Variants in QKI observed in about 807,000 individuals in gnomAD.
QKI encodes the protein KH domain-containing RNA-binding protein QKI.
Under a neutral mutation model 39.0 loss-of-function variants are expected in QKI, and 10 were observed. The ratio of observed to expected loss-of-function variants is 0.26; its 90% CI spans 0.16 to 0.43. The LOEUF (loss-of-function observed/expected upper bound fraction) is 0.43. QKI is among the 20% of genes least tolerant of loss of function. The probability of loss-of-function intolerance (pLI) is 1.00; values close to 1 mark genes in which losing one functional copy is unlikely to be tolerated. For synonymous variants in QKI, 204 were observed against 155.4 expected (o/e 1.31, Z -2.33); for missense variants, 218 against 428.0 (o/e 0.51, Z 4.33).
At chr6:163,563,934 G>C (rs9347766) in intron 6 of QKI, 103,602 of 1,398,144 alleles carry the variant, frequency 0.074, 4,210 homozygotes, top group South Asian at 0.094. Flanking sequence ...TGGTAACTGA[G>C]GTTCAGTTTG....
At chr6:163,445,990 C>G (rs903410110) in intron 1 of QKI, among the ~76,000 whole-genome samples, 1 of 152,152 alleles carries the variant, frequency 6.6e-6, no homozygotes. Context: ...CAGATTTCTC[C>G]ACTGTAGTTT....
rs764860889 is a variant in QKI at position 163,455,262 on chromosome 6, A to AT, written c.143-12dup. 12 of 1,595,512 alleles carry AT rather than the reference A, an allele frequency of 7.5e-6. No individual in the cohort carries two copies. In the African/African-American group the frequency reaches 1.4e-4, roughly 18 times the overall value. On this transcript the variant is annotated splice_polypyrimidine_tract_variant and intron_variant, in intron 1 of 7. Transcript: ENST00000361752. ...ATTTTTTTTGTCTAACACATTTAAAATTTTTACTTTTAACAGAAATTAGCA... is the reference window on the plus strand; with the variant it reads ...ATTTTTTTTGTCTAACACATTTAAAATTTTTTACTTTTAACAGAAATTAGCA...
In QKI at chr6:163,532,972, C is replaced by T. The variant is rs776469776; in HGVS notation, c.403-2010C>T. 3.9e-5 allele frequency among the ~76,000 whole-genome samples: 6 copies of T among 152,044 alleles called. No homozygotes were observed. In the South Asian group the frequency reaches 8.3e-4, roughly 21 times the overall value. On this transcript the variant is annotated intron_variant, in intron 3 of 7. Transcript: ENST00000361752. ...TCCAGTGGCTTGAAACTTGTTGATA[C>T]GTTTTGCCAGTTTTTTGGTTGTTTC...
intron 5 of QKI, 118 bp from the exon 6 acceptor site, chr6:163,563,302 T>G: frequency 1.0e-6 from 1 of 961,484 alleles, no homozygotes; most frequent in Non-Finnish European, 1.5e-6. Context: ...GTACTAATGA[T>G]TTCCTTTTAT....
intron 2 of QKI, among the ~76,000 whole-genome samples, chr6:163,464,455 C>G (rs1292803717): frequency 6.6e-6 from 1 of 151,654 alleles, no homozygotes; most frequent in South Asian, 2.1e-4. Flanking sequence ...AATTGACAGA[C>G]CTTTAGTTGG....
At chr6:163,427,351 A>T (rs1024750337) in intron 1 of QKI, among the ~76,000 whole-genome samples, 2 of 151,586 alleles carry the variant, frequency 1.3e-5, no homozygotes, top group Admixed American at 1.3e-4. Context: ...TACTTTCAAA[A>T]TAACAAAATT....
intron 2 of QKI, among the ~76,000 whole-genome samples, chr6:163,458,891 T>C (rs1266034495): frequency 1.3e-5 from 2 of 152,212 alleles, no homozygotes; most frequent in South Asian, 2.1e-4. Flanking sequence ...CTCTTTGATA[T>C]AGTAAAGACA....
intron 4 of QKI, among the ~76,000 whole-genome samples, chr6:163,553,667 G>C (rs1364607659): frequency 6.6e-6 from 1 of 152,054 alleles, no homozygotes; most frequent in African/African-American, 2.4e-5. Flanking sequence ...TAAAATCACA[G>C]ATTGTATCGT....
intron 1 of QKI, among the ~76,000 whole-genome samples, chr6:163,447,569 T>G (rs898579452): frequency 3.3e-5 from 5 of 152,152 alleles, no homozygotes; most frequent in Admixed American, 6.5e-5. Flanking sequence ...GAGCTAACTT[T>G]TGTAGCTTCC....
chr6:163,470,040 T>C (rs1479756615), intron 2 of QKI, among the ~76,000 whole-genome samples: 7 of 151,914 alleles, frequency 4.6e-5, no homozygotes, highest in Non-Finnish European at 1.0e-4. Flanking sequence ...GGAAAAAAAA[T>C]AACTGAACAC....
chr6:163,457,490 G>A (rs771765371), intron 2 of QKI: 11 of 455,596 alleles, frequency 2.4e-5, no homozygotes, highest in African/African-American at 1.0e-4. Flanking sequence ...TAGTATCTAC[G>A]CTTTCTGGGA....
chr6:163,465,371 C>CT (rs1340094946), intron 2 of QKI, among the ~76,000 whole-genome samples: 1 of 152,014 alleles, frequency 6.6e-6, no homozygotes, highest in Non-Finnish European at 1.5e-5. Context: ...GCTCATGGCT[C>CT]TGATTCCCAG....
intron 1 of QKI, among the ~76,000 whole-genome samples, chr6:163,420,583 G>A (rs532720527): frequency 6.6e-6 from 1 of 152,108 alleles, no homozygotes; most frequent in Admixed American, 6.5e-5. Context: ...CATGATCAAC[G>A]GGACTTCATT....
intron 3 of QKI, among the ~76,000 whole-genome samples, chr6:163,480,676 A>G (rs1472441366): frequency 6.6e-6 from 1 of 152,214 alleles, no homozygotes; most frequent in Non-Finnish European, 1.5e-5. Flanking sequence ...GAATCTTAAA[A>G]AAATGTGCAT....
chr6:163,479,211 C>T (rs1792869579), intron 3 of QKI, among the ~76,000 whole-genome samples: 1 of 151,422 alleles, frequency 6.6e-6, no homozygotes, highest in African/African-American at 2.4e-5. Context: ...ATTGCTTGAA[C>T]CCGGGAGGCA....
intron 3 of QKI, among the ~76,000 whole-genome samples, chr6:163,483,812 G>A (rs1308938464): frequency 2.6e-5 from 4 of 152,182 alleles, no homozygotes; most frequent in Non-Finnish European, 5.9e-5. Context: ...GTTCTTAATG[G>A]CATTGAGAAT....
chr6:163,535,447 T>A (rs1781135957), intron 4 of QKI, among the ~76,000 whole-genome samples: 1 of 152,008 alleles, frequency 6.6e-6, no homozygotes. Flanking sequence ...TCTGCCCCCC[T>A]TCCTTGGGTT....
At chr6:163,518,971 C>T (rs1036665951) in intron 3 of QKI, among the ~76,000 whole-genome samples, 2 of 152,156 alleles carry the variant, frequency 1.3e-5, no homozygotes, top group African/African-American at 4.8e-5. Flanking sequence ...AGTTACACAC[C>T]TTGTATGGCT....
intron 1 of QKI, among the ~76,000 whole-genome samples, chr6:163,440,916 A>G (rs1279849269): frequency 6.6e-6 from 1 of 151,948 alleles, no homozygotes; most frequent in Admixed American, 6.6e-5. Flanking sequence ...GGTCAGTTCA[A>G]TTTTGTAAAG....
Sources: gnomAD v4.1 joint callset for allele counts (sites outside exome capture counted in the v4.1 genomes callset) on GRCh38, gnomAD v4.1.1 for gene constraint, MANE v1.5 for transcripts, NCBI Gene and HGNC (gene_info 2026-07-23, HGNC 2026-07-21) for gene names.